Variants in COL19A1 observed in about 807,000 individuals in gnomAD.
The protein encoded by COL19A1 is collagen type XIX alpha 1 chain, also known as collagen alpha-1(XIX) chain.
COL19A1 carries 159 observed loss-of-function variants against 190.2 expected under a neutral mutation model. That is an observed-to-expected ratio of 0.84 (90% CI 0.73 to 0.95). The LOEUF is 0.95. COL19A1 is among the 40% of genes least tolerant of loss of function. COL19A1 has a pLI of 0.00. For missense variants in COL19A1, 1,418 were observed against 1,431.9 expected, an observed-to-expected ratio of 0.99 and a Z score of 0.16; for synonymous variants, 509 against 458.9, an observed-to-expected ratio of 1.11 and a Z score of -1.39.
At chr6:69,869,946 C>A (rs1767724240) in intron 1 of COL19A1, among the ~76,000 whole-genome samples, 1 of 152,162 alleles carries the variant, frequency 6.6e-6, no homozygotes, top group Admixed American at 6.5e-5. Flanking sequence ...ACATTAGGAA[C>A]TAGGGAGTAT....
intron 2 of COL19A1, among the ~76,000 whole-genome samples, chr6:69,882,931 A>G (rs1231221159): frequency 6.6e-6 from 1 of 152,252 alleles, no homozygotes; most frequent in African/African-American, 2.4e-5. Flanking sequence ...CATTGGTACC[A>G]TGTAAAAATC....
chr6:70,069,787 G>A (rs184087197), intron 15 of COL19A1, among the ~76,000 whole-genome samples: 55 of 152,230 alleles, frequency 3.6e-4, no homozygotes, highest in African/African-American at 1.3e-3. Context: ...CACAGAGTAG[G>A]AACTGATCCT....
intron 9 of COL19A1, among the ~76,000 whole-genome samples, chr6:69,954,091 G>A (rs145857230): frequency 2.0e-5 from 3 of 152,134 alleles, no homozygotes; most frequent in East Asian, 1.9e-4. Context: ...TTGAGCAGAT[G>A]ATCACAGATG....
At chr6:70,199,189 G>A (rs1283378729) in intron 48 of COL19A1, among the ~76,000 whole-genome samples, 2 of 152,224 alleles carry the variant, frequency 1.3e-5, no homozygotes, top group African/African-American at 2.4e-5. Flanking sequence ...GGAAGACAGT[G>A]TCAAAGAATT....
At chr6:70,004,602 A>G (rs954513636) in intron 11 of COL19A1, among the ~76,000 whole-genome samples, 3 of 151,894 alleles carry the variant, frequency 2.0e-5, no homozygotes, top group Non-Finnish European at 4.4e-5. Flanking sequence ...TCTTATCTGC[A>G]TGCCTTATGT....
At chr6:69,991,790 A>G (rs1401299862) in intron 11 of COL19A1, among the ~76,000 whole-genome samples, 2 of 151,790 alleles carry the variant, frequency 1.3e-5, no homozygotes, top group African/African-American at 4.8e-5. Flanking sequence ...CGGGTCTTAG[A>G]CTTTTGTCAG....
chr6:70,142,666 T>C (rs1344472250), intron 22 of COL19A1, 101 bp from the exon 23 acceptor site: 2 of 1,019,894 alleles, frequency 2.0e-6, no homozygotes, highest in Non-Finnish European at 1.4e-6. Context: ...TTGGTCTTCC[T>C]ATACATGAAG....
chr6:69,999,017 C>T (rs1246447267), intron 11 of COL19A1, among the ~76,000 whole-genome samples: 1 of 151,676 alleles, frequency 6.6e-6, no homozygotes, highest in Non-Finnish European at 1.5e-5. Flanking sequence ...CTCTGCCTCC[C>T]GGGTTCAAGT....
intron 15 of COL19A1, among the ~76,000 whole-genome samples, chr6:70,084,052 T>A (rs916015745): frequency 6.6e-6 from 1 of 152,208 alleles, no homozygotes; most frequent in East Asian, 1.9e-4. Context: ...CTTACCTTTT[T>A]AAAATTGGAA....
chr6:69,900,768 G>A (rs1328895362), intron 4 of COL19A1, among the ~76,000 whole-genome samples: 2 of 152,084 alleles, frequency 1.3e-5, no homozygotes, highest in South Asian at 2.1e-4. Flanking sequence ...GCTCTTAGGT[G>A]TTCATCTTAT....
intron 3 of COL19A1, 93 bp from the exon 4 acceptor site, chr6:69,900,146 A>T: frequency 1.5e-6 from 1 of 681,102 alleles, no homozygotes; most frequent in South Asian, 4.0e-5. Flanking sequence ...GTTTGAAGTG[A>T]ATCAATTAAT....
At chr6:70,066,200 A>G (rs564168424) in intron 14 of COL19A1, among the ~76,000 whole-genome samples, 1 of 152,334 alleles carries the variant, frequency 6.6e-6, no homozygotes, top group East Asian at 1.9e-4. Context: ...GAACCAACCC[A>G]AATGTCCAAC....
chr6:69,899,139 C>A, intron 3 of COL19A1, 117 bp downstream of exon 3: 2 of 623,510 alleles, frequency 3.2e-6, no homozygotes, highest in South Asian at 2.5e-5. Context: ...ATAGCATTAA[C>A]GTGAAAATTT....
chr6:69,888,166 A>G (rs1769069820), intron 2 of COL19A1, among the ~76,000 whole-genome samples: 1 of 152,192 alleles, frequency 6.6e-6, no homozygotes, highest in Non-Finnish European at 1.5e-5. Flanking sequence ...ATTACCGTTT[A>G]GAGTTTGATG....
chr6:69,887,385 A>G (rs1228184569), intron 2 of COL19A1, among the ~76,000 whole-genome samples: 1 of 152,224 alleles, frequency 6.6e-6, no homozygotes, highest in Non-Finnish European at 1.5e-5. Context: ...TTATTTTCTC[A>G]CAGAGATGCT....
chr6:70,145,257 A>G (rs1227493023), intron 25 of COL19A1, among the ~76,000 whole-genome samples: 1 of 152,176 alleles, frequency 6.6e-6, no homozygotes, highest in Admixed American at 6.6e-5. Flanking sequence ...TCATAGTAGC[A>G]ATGAGATGGA....
intron 40 of COL19A1, among the ~76,000 whole-genome samples, chr6:70,169,397 A>C (rs937840038): frequency 4.6e-5 from 7 of 152,142 alleles, no homozygotes; most frequent in African/African-American, 1.4e-4. Context: ...TTGAAACTCA[A>C]ATGTACCTAA....
In COL19A1 at chr6:70,035,663, G is replaced by A. The variant is rs141220464; in HGVS notation, c.1135-241G>A. Among the ~76,000 whole-genome samples the A allele has an allele frequency of 2.1e-3, 315 of 152,104 alleles. 1 individual carries two copies. Among genetic ancestry groups the A allele is most frequent in the African/African-American group, 4.9e-3 (204 of 41,508 alleles). On this transcript the variant is annotated intron_variant, in intron 13 of 50. Coordinates refer to ENST00000620364, the MANE Select transcript of COL19A1 (RefSeq NM_001858.6). ...AAGAATAGAAAATTAGATTATTTTC[G>A]CTTTCAAAACAAGTCCTGCTGTTGC...
chr6:69,967,716 A>G (rs961750702), intron 11 of COL19A1, among the ~76,000 whole-genome samples: 1 of 152,178 alleles, frequency 6.6e-6, no homozygotes, highest in Non-Finnish European at 1.5e-5. Context: ...TGAGATATGT[A>G]TTTAAATTAG....
Sources: gnomAD v4.1 joint callset for allele counts (sites outside exome capture counted in the v4.1 genomes callset) on GRCh38, gnomAD v4.1.1 for gene constraint, MANE v1.5 for transcripts, NCBI Gene and HGNC (gene_info 2026-07-23, HGNC 2026-07-21) for gene names.